PARP15: variants seen among roughly 807,000 people sequenced by gnomAD.
PARP15 encodes protein mono-ADP-ribosyltransferase PARP15.
Under a neutral mutation model 62.1 loss-of-function variants are expected in PARP15, and 50 were observed. The observed-to-expected ratio is 0.81, with a 90% confidence interval of 0.64 to 1.02. The LOEUF (loss-of-function observed/expected upper bound fraction) is 1.02, where lower values mean the gene tolerates loss of function less well. PARP15 is among the 50% of genes least tolerant of loss of function. The pLI, the probability that PARP15 is intolerant of heterozygous loss-of-function variation, is 0.00. For synonymous variants in PARP15, 309 were observed against 293.1 expected, an observed-to-expected ratio of 1.05 and a Z score of -0.55; for missense variants, 820 against 826.5, an observed-to-expected ratio of 0.99 and a Z score of 0.10.
In PARP15 at chr3:122,638,647, C is replaced by G. The variant is rs4358249; in HGVS notation, c.*2547C>G. 1.1e-4 allele frequency: 16 copies of G among 151,926 alleles called. No individual in the cohort carries two copies. The highest frequency in any genetic ancestry group is 3.4e-4 in the African/African-American group (14 of 41,434). The allele number at this position is 151,926 out of a possible 1,614,324, so 9.4% of individuals were successfully genotyped here. ...CCTTTGCCCACTTTTTGATGGGGTT[C>G]TTTGTTTTTTTCTTGTATATTTGTT... On this transcript the variant is annotated 3_prime_UTR_variant, in exon 12 of 12. Transcript: ENST00000464300.
intron 1 of PARP15, among the ~76,000 whole-genome samples, chr3:122,599,707 G>T (rs1254574886): frequency 6.6e-6 from 1 of 152,190 alleles, no homozygotes; most frequent in Non-Finnish European, 1.5e-5. Context: ...CAGCATAGCT[G>T]GGATTACAGG....
chr3:122,592,937 C>T (rs1484473697), intron 1 of PARP15, among the ~76,000 whole-genome samples: 5 of 152,166 alleles, frequency 3.3e-5, no homozygotes, highest in Non-Finnish European at 7.4e-5. Context: ...AATGTGTGTG[C>T]CCTTATCCAC....
rs373586160 is a variant in PARP15, at chr3:122,606,487, G to C, written c.306+432G>C. Among the ~76,000 whole-genome samples the C allele has an allele frequency of 8.5e-5, 13 of 152,276 alleles. No homozygotes were observed. The East Asian group carries it at 1.9e-3, about 23-fold the overall frequency. On this transcript the variant is annotated intron_variant, in intron 2 of 11. Coordinates refer to ENST00000464300, the MANE Select transcript of PARP15 (RefSeq NM_001113523.3). ...CACAGGAAGAATGAGGAGGGATAAA[G>C]GTTACCAGAAGAGGTGCTAAATCCT...
intron 9 of PARP15, among the ~76,000 whole-genome samples, chr3:122,628,598 G>C (rs1211190011): frequency 6.6e-6 from 1 of 152,146 alleles, no homozygotes; most frequent in Non-Finnish European, 1.5e-5. Flanking sequence ...CTTTCATCGA[G>C]ATTTTAAACT....
At chr3:122,622,934 A>G (rs1465423067) in intron 8 of PARP15, among the ~76,000 whole-genome samples, 9 of 152,122 alleles carry the variant, frequency 5.9e-5, no homozygotes, top group Admixed American at 5.9e-4. Flanking sequence ...CACCACCATC[A>G]TTTTAGCTCA....
intron 9 of PARP15, among the ~76,000 whole-genome samples, chr3:122,628,538 T>A (rs1260423630): frequency 2.6e-5 from 4 of 152,168 alleles, no homozygotes; most frequent in African/African-American, 9.7e-5. Context: ...AGTAAATAAG[T>A]CATTATCAGT....
At chr3:122,611,528 G>A (rs575786144) in intron 3 of PARP15, among the ~76,000 whole-genome samples, 3 of 151,726 alleles carry the variant, frequency 2.0e-5, no homozygotes, top group Admixed American at 2.0e-4. Context: ...TAGTAGAGAC[G>A]GGGTTTCACC....
At chr3:122,607,669 T>C (rs1417513735) in intron 2 of PARP15, among the ~76,000 whole-genome samples, 2 of 152,236 alleles carry the variant, frequency 1.3e-5, no homozygotes, top group Non-Finnish European at 2.9e-5. Context: ...GTCTTTTCAC[T>C]ATGCAGTCCA....
Position 122,577,811 on chromosome 3 carries a change from T to TG in PARP15, c.148dup (p.Ala50GlyfsTer90). ...GGAGCGTGCTGCCGGCCGGGAACCG[T>TG]GGGGCGCGGAAGGCCTCCCGGCGCT... On this transcript the variant is annotated frameshift_variant, in exon 1 of 12. Coordinates refer to ENST00000464300, the MANE Select transcript of PARP15 (RefSeq NM_001113523.3). LOFTEE classifies it high-confidence loss of function. 6.5e-7 allele frequency: 1 copy of TG among 1,549,944 alleles called. No individual in the cohort carries two copies. Among genetic ancestry groups the TG allele is most frequent in the Non-Finnish European group, 8.7e-7 (1 of 1,146,340 alleles).
chr3:122,615,597 T>G (rs1425866646), intron 4 of PARP15, 182 bp from the exon 5 acceptor site: 4 of 1,334,842 alleles, frequency 3.0e-6, no homozygotes, highest in African/African-American at 1.5e-5. Context: ...AAATCAGCAC[T>G]GCTATTTGTG....
chr3:122,580,509 C>T (rs2080780940), intron 1 of PARP15, among the ~76,000 whole-genome samples: 1 of 152,102 alleles, frequency 6.6e-6, no homozygotes, highest in African/African-American at 2.4e-5. Flanking sequence ...ACCGTCTTAA[C>T]CATTTTTAAG....
intron 7 of PARP15, among the ~76,000 whole-genome samples, chr3:122,620,929 TC>T (rs1936301198): frequency 6.6e-6 from 1 of 152,154 alleles, no homozygotes; most frequent in Non-Finnish European, 1.5e-5. Context: ...AGCTCTAGGG[TC>T]CTGAGCCAAG....
At chr3:122,623,186 A>G (rs1217899494) in intron 8 of PARP15, among the ~76,000 whole-genome samples, 1 of 152,056 alleles carries the variant, frequency 6.6e-6, no homozygotes, top group Non-Finnish European at 1.5e-5. Context: ...TTATTCATGC[A>G]TTTCTCCCGA....
intron 2 of PARP15, among the ~76,000 whole-genome samples, chr3:122,606,608 T>C (rs776064320): frequency 3.3e-5 from 5 of 152,104 alleles, no homozygotes; most frequent in Non-Finnish European, 7.4e-5. Flanking sequence ...CCTCCTATAG[T>C]TGACATCCAT....
At chr3:122,577,886 G>A (rs2080713937) in intron 1 of PARP15, 33 bp downstream of exon 1, 2 of 1,515,046 alleles carry the variant, frequency 1.3e-6, no homozygotes, top group Admixed American at 2.1e-5. Flanking sequence ...GCGGGAAGGG[G>A]ACAGCAGGGC....
Position 122,638,350 on chromosome 3 carries a change from TTCTAGA to T in PARP15, c.*2253_*2258del, listed in dbSNP as rs1937469147. On this transcript the variant is annotated 3_prime_UTR_variant, in exon 12 of 12. Coordinates refer to ENST00000464300, the MANE Select transcript of PARP15 (RefSeq NM_001113523.3). Reference sequence around the variant, plus strand: ...TTGCTGGGTCAAATGGTATTTCTAGTTCTAGATCCCCGAGGAATCGCCACACTGACT... The same window carrying T: ...TTGCTGGGTCAAATGGTATTTCTAGTTCCCCGAGGAATCGCCACACTGACT... 1 of 152,112 alleles carries T rather than the reference TTCTAGA, an allele frequency of 6.6e-6. No homozygotes were observed. The highest frequency in any genetic ancestry group is 1.5e-5 in the Non-Finnish European group (1 of 68,032). 9.4% of individuals were successfully genotyped at this position (152,112 alleles called of 1,614,324 possible).
chr3:122,577,750 G>C lies in PARP15; in HGVS notation c.83G>C (p.Gly28Ala). ...TPRELMHGVA[G>A]VTSRAGRDRE... ...AGAGAACTTATGCACGGAGTTGCAG[G>C]TGTTACTTCCAGAGCCGGACGAGAT... The change falls in exon 1 of 12, where the codon GGT becomes GCT. Residue 28 changes from glycine (G) to alanine (A), a missense_variant. Coordinates refer to ENST00000464300, the MANE Select transcript of PARP15 (RefSeq NM_001113523.3). The C allele has an allele frequency of 1.3e-6, 2 of 1,551,712 alleles. No individual in the cohort carries two copies. The highest frequency in any genetic ancestry group is 1.7e-6 in the Non-Finnish European group (2 of 1,146,984).
intron 1 of PARP15, among the ~76,000 whole-genome samples, chr3:122,593,251 G>C (rs28485133): frequency 0.081 from 12,269 of 151,942 alleles, 1,601 homozygotes; most frequent in African/African-American, 0.28. Flanking sequence ...CTATTGTCCT[G>C]CTTCAGCATC....
chr3:122,585,922 GT>G (rs1347849775), intron 1 of PARP15, among the ~76,000 whole-genome samples: 2 of 152,158 alleles, frequency 1.3e-5, no homozygotes, highest in African/African-American at 4.8e-5. Context: ...TAATGTTTTA[GT>G]ATTTTATGCG....
Sources: gnomAD v4.1 joint callset for allele counts (sites outside exome capture counted in the v4.1 genomes callset) on GRCh38, gnomAD v4.1.1 for gene constraint, MANE v1.5 for transcripts, NCBI Gene and HGNC (gene_info 2026-07-23, HGNC 2026-07-21) for gene names.